The following ADGRF1 variants were observed in gnomAD, a reference collection of about 807,000 sequenced individuals.
The protein encoded by ADGRF1 is adhesion G protein-coupled receptor F1.
In ADGRF1, 85 loss-of-function variants were observed where a neutral mutation model predicts 87.2. The observed-to-expected ratio is 0.97, with a 90% CI of 0.82 to 1.17. The LOEUF is 1.17. Among genes scored for constraint, ADGRF1 ranks in the 50% most tolerant of loss-of-function variants. The pLI, the probability that ADGRF1 is intolerant of heterozygous loss-of-function variation, is 0.00. For missense variants in ADGRF1, 1,169 were observed against 1,077.2 expected, an observed-to-expected ratio of 1.09 and a Z score of -1.19; for synonymous variants, 430 against 408.8, an observed-to-expected ratio of 1.05 and a Z score of -0.63.
At chr6:47,016,051 T>C (rs906264682) in intron 8 of ADGRF1, among the ~76,000 whole-genome samples, 2 of 152,172 alleles carry the variant, frequency 1.3e-5, no homozygotes, top group Non-Finnish European at 2.9e-5. Context: ...GCTAAGATTT[T>C]TGTTTGTTTT....
intron 7 of ADGRF1, chr6:47,018,595 T>C: frequency 7.8e-7 from 1 of 1,289,302 alleles, no homozygotes; most frequent in Non-Finnish European, 1.0e-6. Context: ...GTTTGACAGA[T>C]AAGTAAATAG....
intron 1 of ADGRF1, among the ~76,000 whole-genome samples, chr6:47,033,313 T>C (rs1165290921): frequency 6.6e-6 from 1 of 152,232 alleles, no homozygotes; most frequent in African/African-American, 2.4e-5. Context: ...AACGTGCTAT[T>C]ATGCCTCTGG....
chr6:47,005,744 C>T, intron 13 of ADGRF1, 73 bp downstream of exon 13: 1 of 1,090,318 alleles, frequency 9.2e-7, no homozygotes, highest in Admixed American at 2.0e-5. Context: ...TGGCTTGCAG[C>T]AAGACTGTAT....
chr6:47,006,256 T>G (rs1210790536), intron 12 of ADGRF1, among the ~76,000 whole-genome samples: 1 of 152,220 alleles, frequency 6.6e-6, no homozygotes, highest in South Asian at 2.1e-4. Flanking sequence ...AGTTTGTTCA[T>G]GTGCAAAATT....
intron 1 of ADGRF1, among the ~76,000 whole-genome samples, chr6:47,040,351 A>T (rs372288033): frequency 6.6e-6 from 1 of 152,164 alleles, no homozygotes; most frequent in African/African-American, 2.4e-5. Context: ...GGATGCCTGT[A>T]GTCCCAGCTA....
chr6:47,014,492 C>T, intron 9 of ADGRF1, 189 bp downstream of exon 9: 5 of 1,350,932 alleles, frequency 3.7e-6, no homozygotes, highest in Non-Finnish European at 4.8e-6. Context: ...AACCTAGACT[C>T]TGCTGCCCAG....
chr6:47,020,001 G>A (rs1218726878), intron 7 of ADGRF1: 16 of 988,368 alleles, frequency 1.6e-5, no homozygotes, highest in Admixed American at 6.1e-5. Context: ...TTCTGGCTCC[G>A]AATTATGAGG....
At chr6:47,037,292 A>G (rs778181435) in intron 1 of ADGRF1, among the ~76,000 whole-genome samples, 32 of 152,212 alleles carry the variant, frequency 2.1e-4, no homozygotes, top group Non-Finnish European at 4.4e-4. Flanking sequence ...TATTTAAGTC[A>G]TTTTCCTAAA....
At chr6:47,016,149 A>G (rs1323699252) in intron 8 of ADGRF1, among the ~76,000 whole-genome samples, 1 of 152,172 alleles carries the variant, frequency 6.6e-6, no homozygotes, top group Non-Finnish European at 1.5e-5. Flanking sequence ...AGTGGTACAA[A>G]TTTTGGTAGG....
At chr6:47,036,793 T>C (rs1431401285) in intron 1 of ADGRF1, among the ~76,000 whole-genome samples, 1 of 152,154 alleles carries the variant, frequency 6.6e-6, no homozygotes, top group Non-Finnish European at 1.5e-5. Context: ...CTTCTAGAAA[T>C]AGAACTAGTT....
chr6:47,002,961 T>C (rs1013230907), intron 13 of ADGRF1, among the ~76,000 whole-genome samples: 1 of 152,134 alleles, frequency 6.6e-6, no homozygotes, highest in African/African-American at 2.4e-5. Flanking sequence ...CCTTTAGCTA[T>C]CTCTCAGAGG....
rs1779881872 is a variant in ADGRF1, at chr6:47,016,474, G to A, written c.763+143C>T. 7.1e-6 allele frequency: 6 copies of A among 845,178 alleles called. No homozygotes were observed. The South Asian group carries it at 7.5e-5, about 11-fold the overall frequency. The allele number at this position is 845,178 out of a possible 1,614,324, so 52.4% of individuals were successfully genotyped here. On this transcript the variant is annotated intron_variant, in intron 8 of 14. Transcript: ENST00000371253. ...GCTAAGTTTCATCTTGGTGCTGGGGGAAACAGCTGCCTGTTTGTGCTGAAA... is the reference window on the plus strand; with the variant it reads ...GCTAAGTTTCATCTTGGTGCTGGGGAAAACAGCTGCCTGTTTGTGCTGAAA...
At chr6:47,008,856 A>C in intron 11 of ADGRF1, 89 bp downstream of exon 11, 1 of 1,111,228 alleles carries the variant, frequency 9.0e-7, no homozygotes, top group Non-Finnish European at 1.3e-6. Context: ...CAGGGAGATG[A>C]GATAATCTCC....
intron 8 of ADGRF1, 107 bp downstream of exon 8, chr6:47,016,510 G>A: frequency 7.8e-7 from 1 of 1,283,454 alleles, no homozygotes; most frequent in Non-Finnish European, 1.0e-6. Context: ...GGCAGTTAGA[G>A]AACAATTCGT....
At chr6:47,036,121 C>T (rs1385588801) in intron 1 of ADGRF1, among the ~76,000 whole-genome samples, 5 of 152,122 alleles carry the variant, frequency 3.3e-5, no homozygotes, top group Admixed American at 6.5e-5. Context: ...GTCCCAGCTA[C>T]TTGGGAGCTG....
chr6:47,031,351 G>GTCTCTC (rs374462680), intron 1 of ADGRF1, among the ~76,000 whole-genome samples: 2,767 of 110,696 alleles, frequency 0.025, 56 homozygotes, highest in Non-Finnish European at 0.035. Flanking sequence ...CTCTCTCTCT[G>GTCTCTC]TCTCTCTCTC....
chr6:47,002,950 T>C (rs1201715403), intron 13 of ADGRF1, among the ~76,000 whole-genome samples: 1 of 152,148 alleles, frequency 6.6e-6, no homozygotes, highest in Non-Finnish European at 1.5e-5. Flanking sequence ...ACTTTACTCC[T>C]CCTTTAGCTA....
chr6:47,022,924 GC>G (rs1253074726), intron 5 of ADGRF1, among the ~76,000 whole-genome samples: 1 of 148,758 alleles, frequency 6.7e-6, no homozygotes, highest in Non-Finnish European at 1.5e-5. Flanking sequence ...TCTTCCCTCA[GC>G]CCCCCAAGTA....
At chr6:47,007,495 T>C (rs576284584) in intron 11 of ADGRF1, among the ~76,000 whole-genome samples, 3 of 152,136 alleles carry the variant, frequency 2.0e-5, no homozygotes, top group African/African-American at 7.2e-5. Context: ...CTCAAAAAAA[T>C]GTTTTGTTGA....
Sources: allele counts gnomAD v4.1 joint callset (sites outside exome capture counted in the v4.1 genomes callset), GRCh38; gene constraint gnomAD v4.1.1; transcripts MANE v1.5; gene names NCBI Gene and HGNC (gene_info 2026-07-23, HGNC 2026-07-21).